The following XPO4 variants were observed in gnomAD, a reference collection of about 807,000 sequenced individuals.
XPO4 encodes the protein exportin 4, also known as exportin-4.
Under a neutral mutation model 143.0 loss-of-function variants are expected in XPO4, and 39 were observed. That is an observed-to-expected ratio of 0.27 (90% CI 0.21 to 0.36). The LOEUF (loss-of-function observed/expected upper bound fraction) is 0.36. XPO4 is among the 10% of genes least tolerant of loss of function. The probability of loss-of-function intolerance (pLI) is 1.00; values close to 1 mark genes in which losing one functional copy is unlikely to be tolerated. For synonymous variants in XPO4, 439 were observed against 474.0 expected, an observed-to-expected ratio of 0.93 and a Z score of 0.96; for missense variants, 907 against 1,348.0, an observed-to-expected ratio of 0.67 and a Z score of 5.12.
At chr13:20,792,931 G>A (rs1049309701) in intron 18 of XPO4, among the ~76,000 whole-genome samples, 1 of 151,722 alleles carries the variant, frequency 6.6e-6, no homozygotes, top group African/African-American at 2.4e-5. Context: ...GGGATTACAG[G>A]CATGCACCAC....
At chr13:20,828,588 G>C (rs1175974622) in intron 6 of XPO4, among the ~76,000 whole-genome samples, 1 of 152,102 alleles carries the variant, frequency 6.6e-6, no homozygotes, top group Non-Finnish European at 1.5e-5. Context: ...GTTTCAAGGA[G>C]AAAAATCACT....
intron 2 of XPO4, among the ~76,000 whole-genome samples, chr13:20,865,914 G>T (rs1421610926): frequency 1.3e-5 from 2 of 152,128 alleles, no homozygotes; most frequent in Non-Finnish European, 2.9e-5. Context: ...TTTTCCAGAG[G>T]TGTAAAAGTT....
intron 3 of XPO4, 47 bp downstream of exon 3, chr13:20,862,670 C>T (rs1244790206): frequency 6.2e-7 from 1 of 1,610,892 alleles, no homozygotes; most frequent in Non-Finnish European, 8.5e-7. Flanking sequence ...AAAAGATACA[C>T]ATAAGCTCAG....
At chr13:20,801,199 A>G (rs1415649368) in intron 13 of XPO4, among the ~76,000 whole-genome samples, 1 of 152,250 alleles carries the variant, frequency 6.6e-6, no homozygotes, top group Non-Finnish European at 1.5e-5. Context: ...GGAAAGGAAG[A>G]GTCAACACTA....
chr13:20,902,721 C>T lies in XPO4; in HGVS notation c.18G>A (p.Leu6=). 6.4e-7 allele frequency: 1 copy of T among 1,559,282 alleles called. No homozygotes were observed. The highest frequency in any genetic ancestry group is 8.7e-7 in the Non-Finnish European group (1 of 1,151,882). Residue 6 remains leucine (L), a synonymous_variant, in exon 1 of 23, where the codon CTG becomes CTA. Transcript: ENST00000255305. ...GCTGAGCGATCACTTCTGGGGGCCC[C>T]AGCGCCGCCGCCATCATGGTCTCTC... MMAAA[L]GPPEVIAQLE...
chr13:20,824,041 A>C (rs1353894996), intron 7 of XPO4, among the ~76,000 whole-genome samples: 1 of 152,202 alleles, frequency 6.6e-6, no homozygotes, highest in Non-Finnish European at 1.5e-5. Context: ...CTGTACTACA[A>C]TGGCAGTGTT....
At position 20,886,845 on chromosome 13, in the gene XPO4, G is replaced by A. The variant is rs529558211; in HGVS notation, c.69+15825C>T. ...TCCCAGCACTTTGGGAGGCCAAGGC[G>A]GGCGTATCACCTGAGGTCAGGAGTT... On this transcript the variant is annotated intron_variant, in intron 1 of 22. Transcript: ENST00000255305. Among the ~76,000 whole-genome samples the A allele has an allele frequency of 2.6e-5, 4 of 152,042 alleles. No homozygotes were observed. In the South Asian group the frequency reaches 8.3e-4, roughly 32 times the overall value.
At chr13:20,883,763 T>C (rs1345188885) in intron 1 of XPO4, among the ~76,000 whole-genome samples, 1 of 152,102 alleles carries the variant, frequency 6.6e-6, no homozygotes, top group Non-Finnish European at 1.5e-5. Flanking sequence ...ACGTATTGTA[T>C]TGGGTTTTTT....
rs2059459961 is a variant in XPO4 at position 20,803,280 on chromosome 13, C to T, written c.1818-2290G>A. ...CTGCTAACTGTCCACTCACTAGTGA[C>T]TCAGTCACTTAGTCAGTGCCACACT... On this transcript the variant is annotated intron_variant, in intron 13 of 22. Transcript: ENST00000255305. The surrounding 1 kb of genome is among the most constrained non-coding windows in gnomAD (Gnocchi z 4.1). Among the ~76,000 whole-genome samples, 1 of 152,226 alleles carries T rather than the reference C, an allele frequency of 6.6e-6. No homozygotes were observed. Among genetic ancestry groups the T allele is most frequent in the Admixed American group, 6.5e-5 (1 of 15,280 alleles).
At chr13:20,877,272 C>T (rs2060361536) in intron 1 of XPO4, among the ~76,000 whole-genome samples, 1 of 152,206 alleles carries the variant, frequency 6.6e-6, no homozygotes, top group Non-Finnish European at 1.5e-5. Flanking sequence ...ACTCTTCTCT[C>T]CTTCCTTAGT....
chr13:20,784,340 G>A lies in XPO4; in HGVS notation c.3259-421C>T, dbSNP rs532994688. 2.6e-3 allele frequency among the ~76,000 whole-genome samples: 402 copies of A among 152,300 alleles called. 2 individuals are homozygous for A. The highest frequency in any genetic ancestry group is 9.4e-3 in the African/African-American group (389 of 41,568). On this transcript the variant is annotated intron_variant, in intron 22 of 22. Transcript: ENST00000255305. ...CAATAGTTCCCCAGAGGTTAATAGA[G>A]ATATCTGGTCCACCCAGTTCTGAGG... is the stretch of plus-strand genomic sequence containing the variant.
At chr13:20,835,676 G>A (rs568182814) in intron 6 of XPO4, among the ~76,000 whole-genome samples, 12 of 152,286 alleles carry the variant, frequency 7.9e-5, no homozygotes, top group African/African-American at 2.6e-4. Flanking sequence ...GATGCTCTTC[G>A]AAATATCTAT....
At chr13:20,848,248 A>G (rs554020808) in intron 4 of XPO4, 1 of 982,136 alleles carries the variant, frequency 1.0e-6, no homozygotes, top group Non-Finnish European at 1.2e-6. Context: ...TAAATGATAA[A>G]TAAAAACATT....
chr13:20,884,706 C>T (rs563666772), intron 1 of XPO4, among the ~76,000 whole-genome samples: 5 of 152,070 alleles, frequency 3.3e-5, no homozygotes, highest in South Asian at 2.1e-4. Context: ...AGCAACTGCA[C>T]GTGGCCAAGT....
At position 20,780,290 on chromosome 13, in the gene XPO4, G is replaced by GT. The variant is rs996256167; in HGVS notation, c.*3431dup. On this transcript the variant is annotated 3_prime_UTR_variant, in exon 23 of 23. Transcript: ENST00000255305. ...CAGAGGTGGCAAACAGATAAAAATT[G>GT]TTTAACAGAGAAAAATATTATTTCA... The GT allele has an allele frequency of 4.6e-5, 7 of 152,134 alleles. No individual in the cohort carries two copies. The highest frequency in any genetic ancestry group is 1.7e-4 in the African/African-American group (7 of 41,420). The allele number at this position is 152,134 out of a possible 1,614,324, so 9.4% of individuals were successfully genotyped here. A position where few individuals can be genotyped will look rare whatever the true frequency, so the allele number is the denominator to read the frequency against.
chr13:20,799,681 T>G (rs140532570), intron 15 of XPO4, among the ~76,000 whole-genome samples: 18 of 152,262 alleles, frequency 1.2e-4, no homozygotes, highest in African/African-American at 4.1e-4. Flanking sequence ...TTATAAGAAT[T>G]CAATAAACCA....
chr13:20,885,478 A>G (rs1193236057), intron 1 of XPO4, among the ~76,000 whole-genome samples: 2 of 152,376 alleles, frequency 1.3e-5, no homozygotes, highest in South Asian at 2.1e-4. Context: ...ACACAGTAAG[A>G]TAACAAATAA....
chr13:20,854,933 A>G (rs2060127834), intron 4 of XPO4, among the ~76,000 whole-genome samples: 1 of 152,236 alleles, frequency 6.6e-6, no homozygotes, highest in Non-Finnish European at 1.5e-5. Flanking sequence ...TTCATGTCAG[A>G]TATTTTCTAC....
At chr13:20,855,189 C>T (rs755939966) in intron 4 of XPO4, among the ~76,000 whole-genome samples, 1 of 152,154 alleles carries the variant, frequency 6.6e-6, no homozygotes, top group Admixed American at 6.5e-5. Flanking sequence ...GGCGCAGTGG[C>T]TCACACCTGT....
Sources: allele counts gnomAD v4.1 joint callset (sites outside exome capture counted in the v4.1 genomes callset), GRCh38; gene constraint gnomAD v4.1.1; non-coding constraint Gnocchi (gnomAD v3.1); transcripts MANE v1.5; gene names NCBI Gene and HGNC (gene_info 2026-07-23, HGNC 2026-07-21).